The following RBFOX1 variants were observed in gnomAD, a reference collection of about 807,000 sequenced individuals.
RBFOX1 encodes RNA binding protein fox-1 homolog 1.
A neutral mutation model predicts 57.7 loss-of-function variants in RBFOX1; 8 were observed. That is an observed-to-expected ratio of 0.14 (90% confidence interval 0.08 to 0.25). RBFOX1 has a LOEUF of 0.25. RBFOX1 is among the 10% of genes least tolerant of loss of function. The pLI is 1.00. For missense variants in RBFOX1, 611 were observed against 548.5 expected (o/e 1.11, Z -1.14); for synonymous variants, 326 against 222.4 (o/e 1.47, Z -4.15).
At chr16:6,683,452 T>C (rs2058968019) in intron 3 of RBFOX1, among the ~76,000 whole-genome samples, 1 of 152,210 alleles carries the variant, frequency 6.6e-6, no homozygotes, top group African/African-American at 2.4e-5. Flanking sequence ...GTCTTTCAAA[T>C]GGTTTAGGAG....
intron 3 of RBFOX1, among the ~76,000 whole-genome samples, chr16:5,719,391 T>C (rs919807360): frequency 1.3e-5 from 2 of 151,442 alleles, no homozygotes; most frequent in African/African-American, 4.9e-5. Context: ...TTTGTATTTT[T>C]AGTAGACACG....
intron 4 of RBFOX1, among the ~76,000 whole-genome samples, chr16:7,081,405 G>T (rs1191869061): frequency 6.6e-6 from 1 of 152,158 alleles, no homozygotes; most frequent in Non-Finnish European, 1.5e-5. Flanking sequence ...GTGTGTTTGT[G>T]TCCTAAACTT....
At chr16:7,488,450 T>C (rs1447622332) in intron 4 of RBFOX1, among the ~76,000 whole-genome samples, 1 of 152,152 alleles carries the variant, frequency 6.6e-6, no homozygotes, top group Non-Finnish European at 1.5e-5. Flanking sequence ...TCGTTGTTTG[T>C]CTATCATTCT....
At chr16:5,469,156 A>C (rs1016456161) in intron 2 of RBFOX1, among the ~76,000 whole-genome samples, 3 of 152,138 alleles carry the variant, frequency 2.0e-5, no homozygotes, top group African/African-American at 7.2e-5. Flanking sequence ...AGCATGGAGC[A>C]GGTGGTGGAG....
chr16:5,261,696 C>G (rs942854444), intron 1 of RBFOX1, among the ~76,000 whole-genome samples: 1 of 152,016 alleles, frequency 6.6e-6, no homozygotes, highest in Non-Finnish European at 1.5e-5. Context: ...ACTACAGGCG[C>G]CTGCCACCAT....
chr16:5,921,055 T>G (rs2152228429), intron 4 of RBFOX1, among the ~76,000 whole-genome samples: 1 of 152,180 alleles, frequency 6.6e-6, no homozygotes, highest in African/African-American at 2.4e-5. Flanking sequence ...GATGTGTTGG[T>G]GGGAATCTAA....
chr16:6,052,068 C>T (rs1308188998), intron 1 of RBFOX1, among the ~76,000 whole-genome samples: 1 of 152,142 alleles, frequency 6.6e-6, no homozygotes, highest in African/African-American at 2.4e-5. Context: ...CAAAACAGAA[C>T]AGGAAAGCAA....
chr16:5,354,086 C>T (rs1313131174), intron 1 of RBFOX1, among the ~76,000 whole-genome samples: 1 of 152,138 alleles, frequency 6.6e-6, no homozygotes, highest in Non-Finnish European at 1.5e-5. Flanking sequence ...TCCACCGGCC[C>T]CTTACCTGTG....
At chr16:6,168,400 C>T (rs955076143) in intron 1 of RBFOX1, among the ~76,000 whole-genome samples, 12 of 152,140 alleles carry the variant, frequency 7.9e-5, no homozygotes, top group Admixed American at 3.3e-4. Context: ...CTTCCTTCTA[C>T]GTAGAGCCAG....
intron 5 of RBFOX1, among the ~76,000 whole-genome samples, chr16:7,544,409 G>T (rs767214154): frequency 1.3e-5 from 2 of 152,184 alleles, no homozygotes; most frequent in East Asian, 3.9e-4. Context: ...TTTGAAAGTA[G>T]AGCCTTTGTA....
intron 13 of RBFOX1, among the ~76,000 whole-genome samples, chr16:7,672,955 A>G (rs1469232730): frequency 6.6e-6 from 1 of 151,488 alleles, no homozygotes; most frequent in Non-Finnish European, 1.5e-5. Context: ...ATTATATAGT[A>G]AATAAGATTT....
intron 14 of RBFOX1, among the ~76,000 whole-genome samples, chr16:7,704,289 G>GTCC (rs748615530): frequency 7.9e-5 from 12 of 152,194 alleles, no homozygotes; most frequent in Non-Finnish European, 1.8e-4. Context: ...CAGGAAAGCA[G>GTCC]TCCTCTTTTA....
intron 2 of RBFOX1, among the ~76,000 whole-genome samples, chr16:6,620,652 C>G (rs1237930021): frequency 6.6e-5 from 10 of 152,048 alleles, no homozygotes; most frequent in African/African-American, 2.4e-4. Context: ...TAAACATAAT[C>G]AGAAATGACA....
chr16:6,578,871 C>G (rs557327500), intron 2 of RBFOX1, among the ~76,000 whole-genome samples: 1 of 151,772 alleles, frequency 6.6e-6, no homozygotes, highest in South Asian at 2.1e-4. Flanking sequence ...ATACAATGGA[C>G]TTTGGGGACT....
chr16:6,555,672 C>G (rs1355963015), intron 2 of RBFOX1, among the ~76,000 whole-genome samples: 1 of 151,992 alleles, frequency 6.6e-6, no homozygotes, highest in African/African-American at 2.4e-5. Flanking sequence ...TGCACTCCAG[C>G]CTGGGCGACA....
At chr16:7,209,162 A>G (rs1009650476) in intron 4 of RBFOX1, among the ~76,000 whole-genome samples, 6 of 147,776 alleles carry the variant, frequency 4.1e-5, no homozygotes, top group African/African-American at 1.2e-4. Flanking sequence ...AATAATAATA[A>G]TAATAATAAT....
At chr16:7,473,098 C>G (rs200640954) in intron 4 of RBFOX1, among the ~76,000 whole-genome samples, 2 of 152,174 alleles carry the variant, frequency 1.3e-5, no homozygotes, top group Non-Finnish European at 2.9e-5. Context: ...AGGATCTCCG[C>G]TAGGTGCAGT....
intron 4 of RBFOX1, among the ~76,000 whole-genome samples, chr16:7,081,514 C>T: frequency 6.6e-6 from 1 of 152,190 alleles, no homozygotes; most frequent in East Asian, 1.9e-4. Context: ...AATAGAAGCA[C>T]TCATTTCTCA....
intron 4 of RBFOX1, chr16:7,332,659 G>T: frequency 1.8e-6 from 1 of 559,928 alleles, no homozygotes; most frequent in African/African-American, 2.1e-5. Context: ...TTGGTCTCTT[G>T]GTCTCTCTCT....
Sources: allele counts gnomAD v4.1 joint callset (sites outside exome capture counted in the v4.1 genomes callset), GRCh38; gene constraint gnomAD v4.1.1; transcripts MANE v1.5; gene names NCBI Gene and HGNC (gene_info 2026-07-23, HGNC 2026-07-21).